LRRC4C: variants seen among roughly 807,000 people sequenced by gnomAD.
LRRC4C encodes the protein leucine rich repeat containing 4C, also known as leucine-rich repeat-containing protein 4C.
LRRC4C carries 5 observed loss-of-function variants against 33.6 expected under a neutral mutation model. The observed-to-expected ratio is 0.15, with a 90% CI of 0.08 to 0.31. The LOEUF (loss-of-function observed/expected upper bound fraction) is 0.31, where lower values mean the gene tolerates loss of function less well. Among genes scored for constraint, LRRC4C ranks in the 10% least tolerant of loss-of-function variants. LRRC4C has a pLI of 1.00. For synonymous variants in LRRC4C, 329 were observed against 302.0 expected (o/e 1.09, Z -0.93); for missense variants, 560 against 796.7 (o/e 0.70, Z 3.58).
intron 1 of LRRC4C, among the ~76,000 whole-genome samples, chr11:41,353,308 A>T (rs1160359837): frequency 6.6e-6 from 1 of 152,094 alleles, no homozygotes; most frequent in Non-Finnish European, 1.5e-5. Context: ...AAACTCCCAA[A>T]ATTGAACCAG....
chr11:40,527,531 C>T (rs932905643), intron 3 of LRRC4C, among the ~76,000 whole-genome samples: 2 of 151,954 alleles, frequency 1.3e-5, no homozygotes, highest in Admixed American at 1.3e-4. Context: ...TAGGAGGAGG[C>T]AAGTTGGGGA....
chr11:41,371,008 C>T (rs1313775748), intron 1 of LRRC4C, among the ~76,000 whole-genome samples: 2 of 152,008 alleles, frequency 1.3e-5, no homozygotes, highest in African/African-American at 4.8e-5. Context: ...CCTTTCCTTG[C>T]TGAGAAAGAT....
At chr11:40,284,976 GCATCCA>G (rs955542134) in intron 4 of LRRC4C, among the ~76,000 whole-genome samples, 2 of 152,056 alleles carry the variant, frequency 1.3e-5, no homozygotes, top group African/African-American at 2.4e-5. Flanking sequence ...GTGGTTTCGG[GCATCCA>G]CTGGGGATCA....
chr11:40,898,080 T>G (rs1956031190), intron 2 of LRRC4C, among the ~76,000 whole-genome samples: 1 of 151,806 alleles, frequency 6.6e-6, no homozygotes, highest in African/African-American at 2.4e-5. Context: ...TGAGGCTGGG[T>G]GCGGTGGCTT....
chr11:40,163,992 T>C (rs936802821), intron 5 of LRRC4C, among the ~76,000 whole-genome samples: 1 of 152,194 alleles, frequency 6.6e-6, no homozygotes, highest in Non-Finnish European at 1.5e-5. Context: ...AATTTTTATA[T>C]AAGACTATGT....
intron 1 of LRRC4C, among the ~76,000 whole-genome samples, chr11:41,276,383 GC>G (rs575410103): frequency 1.4e-3 from 215 of 152,218 alleles, no homozygotes; most frequent in African/African-American, 5.0e-3. Flanking sequence ...GCTAGCATAA[GC>G]CCTTGTCTCA....
At chr11:40,567,378 T>C (rs2135543956) in intron 3 of LRRC4C, among the ~76,000 whole-genome samples, 1 of 152,330 alleles carries the variant, frequency 6.6e-6, no homozygotes, top group East Asian at 1.9e-4. Flanking sequence ...TGAATGTCTA[T>C]TATATACCAG....
chr11:40,431,329 A>G (rs1803891620), intron 3 of LRRC4C, among the ~76,000 whole-genome samples: 1 of 142,738 alleles, frequency 7.0e-6, no homozygotes, highest in South Asian at 2.3e-4. Flanking sequence ...CAGGAGGCAG[A>G]GGTTGCAGTG....
chr11:41,015,239 A>G (rs1855495284), intron 1 of LRRC4C, among the ~76,000 whole-genome samples: 1 of 152,322 alleles, frequency 6.6e-6, no homozygotes, highest in African/African-American at 2.4e-5. Flanking sequence ...ATTATATTTT[A>G]CTTACTGTCA....
In LRRC4C at chr11:40,977,344, C is replaced by T. The variant is rs553807398; in HGVS notation, c.-495-43621G>A. ...CTGATACTCAAGTCAGTGGAGTTTG[C>T]ATGTACCACCAATTTTGTTGTCAAA... On this transcript the variant is annotated intron_variant, in intron 1 of 6. Coordinates refer to ENST00000528697, the MANE Select transcript of LRRC4C (RefSeq NM_001258419.2). Among the ~76,000 whole-genome samples, 5 of 152,240 alleles carry T rather than the reference C, an allele frequency of 3.3e-5. No individual in the cohort carries two copies. The East Asian group carries it at 7.7e-4, about 24-fold the overall frequency.
intron 1 of LRRC4C, among the ~76,000 whole-genome samples, chr11:41,349,832 G>A (rs1951917261): frequency 6.6e-6 from 1 of 152,104 alleles, no homozygotes. Flanking sequence ...ATATTTAAAA[G>A]TATTTATTAA....
At chr11:40,660,711 T>C (rs987220098) in intron 2 of LRRC4C, among the ~76,000 whole-genome samples, 21 of 152,150 alleles carry the variant, frequency 1.4e-4, no homozygotes, top group African/African-American at 5.1e-4. Context: ...CCAGTATCAA[T>C]AAATGCAATC....
chr11:40,385,820 T>A (rs2137397913), intron 3 of LRRC4C, among the ~76,000 whole-genome samples: 1 of 151,220 alleles, frequency 6.6e-6, no homozygotes, highest in South Asian at 2.1e-4. Context: ...TGAGCCGAGA[T>A]CGTGCCATTG....
At chr11:40,477,174 C>T (rs145318614) in intron 3 of LRRC4C, among the ~76,000 whole-genome samples, 26 of 152,224 alleles carry the variant, frequency 1.7e-4, no homozygotes, top group African/African-American at 6.0e-4. Flanking sequence ...GAGCTGGGTG[C>T]CATTGAAGGC....
chr11:40,529,135 A>AAATTTATT (rs1956174882), intron 3 of LRRC4C, among the ~76,000 whole-genome samples: 1 of 152,166 alleles, frequency 6.6e-6, no homozygotes, highest in African/African-American at 2.4e-5. Context: ...ATACACTTAG[A>AAATTTATT]AATTTATTAT....
intron 3 of LRRC4C, among the ~76,000 whole-genome samples, chr11:40,329,418 C>T (rs1452464): frequency 0.15 from 22,246 of 152,084 alleles, 2,114 homozygotes; most frequent in Admixed American, 0.29. Context: ...GTGAGTCATG[C>T]TGGAAGGATG....
At chr11:40,771,333 G>T (rs888977824) in intron 2 of LRRC4C, among the ~76,000 whole-genome samples, 2 of 152,142 alleles carry the variant, frequency 1.3e-5, no homozygotes, top group African/African-American at 4.8e-5. Flanking sequence ...AACTGAAGCA[G>T]CTGGGATACA....
At chr11:40,944,445 A>G (rs1466577085) in intron 1 of LRRC4C, among the ~76,000 whole-genome samples, 1 of 152,190 alleles carries the variant, frequency 6.6e-6, no homozygotes, top group Non-Finnish European at 1.5e-5. Flanking sequence ...CTCCACTGGA[A>G]AGGAGGCAAA....
At chr11:40,129,129 C>T (rs971910216) in intron 6 of LRRC4C, among the ~76,000 whole-genome samples, 7 of 152,062 alleles carry the variant, frequency 4.6e-5, no homozygotes, top group African/African-American at 1.2e-4. Context: ...CAGACAGAAG[C>T]AGGTTGAAAA....
Sources: gnomAD v4.1 joint callset for allele counts (sites outside exome capture counted in the v4.1 genomes callset) on GRCh38, gnomAD v4.1.1 for gene constraint, MANE v1.5 for transcripts, NCBI Gene and HGNC (gene_info 2026-07-23, HGNC 2026-07-21) for gene names.